The following CTNNA2 variants were observed in gnomAD, a reference collection of about 807,000 sequenced individuals.
The protein encoded by CTNNA2 is catenin alpha 2.
CTNNA2 carries 42 observed loss-of-function variants against 101.0 expected under a neutral mutation model. The observed-to-expected ratio is 0.42, with a 90% CI of 0.32 to 0.54. The LOEUF (loss-of-function observed/expected upper bound fraction) is 0.54, where lower values mean the gene tolerates loss of function less well. CTNNA2 is among the 20% of genes least tolerant of loss of function. The pLI is 0.14. For missense variants in CTNNA2, 871 were observed against 1,223.1 expected (o/e 0.71, Z 4.29); for synonymous variants, 450 against 456.4 (o/e 0.99, Z 0.18).
At chr2:79,508,823 T>A (rs1286275104), upstream of CTNNA2, among the ~76,000 whole-genome samples, 1 of 151,514 alleles carries the variant, frequency 6.6e-6, no homozygotes, top group Non-Finnish European at 1.5e-5. Context: ...CAAACTAGAA[T>A]ATGGTACATT....
intron 18 of CTNNA2, among the ~76,000 whole-genome samples, chr2:80,637,482 A>T (rs541886372): frequency 3.9e-5 from 6 of 152,054 alleles, no homozygotes; most frequent in African/African-American, 1.4e-4. Flanking sequence ...AGTGACAGAG[A>T]GTGCACAGGA....
intron 7 of CTNNA2, among the ~76,000 whole-genome samples, chr2:80,157,621 C>T (rs1209004249): frequency 6.6e-6 from 1 of 151,962 alleles, no homozygotes; most frequent in Non-Finnish European, 1.5e-5. Context: ...TGTTCTGGTG[C>T]TGTGTACACT....
rs116705615 is a variant in CTNNA2, at chr2:79,706,454, A to G, written c.103-37933A>G. On this transcript the variant is annotated intron_variant, in intron 2 of 18. Transcript: ENST00000402739. ...TTGAGGGTAAATGTGGGTTTGGGGGAAAAAACCTTTCACCAACAAAGATTC... is the reference window on the plus strand; with the variant it reads ...TTGAGGGTAAATGTGGGTTTGGGGGGAAAAACCTTTCACCAACAAAGATTC... Among the ~76,000 whole-genome samples, 1,102 of 151,862 alleles carry G rather than the reference A, an allele frequency of 7.3e-3. 9 individuals carry two copies. The highest frequency in any genetic ancestry group is 0.025 in the African/African-American group (1,050 of 41,384).
chr2:79,502,475 A>T (rs1671330876), intron 4 of CTNNA2, among the ~76,000 whole-genome samples: 2 of 152,010 alleles, frequency 1.3e-5, no homozygotes, highest in South Asian at 4.2e-4. Context: ...CACACATAAC[A>T]CTCCCTTCAT....
intron 4 of CTNNA2, among the ~76,000 whole-genome samples, chr2:79,479,158 T>C (rs759647787): frequency 1.3e-5 from 2 of 152,232 alleles, no homozygotes; most frequent in African/African-American, 2.4e-5. Context: ...GAAAACTCAA[T>C]GCATTTAAAA....
At chr2:80,192,943 G>A (rs1158006305) in intron 7 of CTNNA2, among the ~76,000 whole-genome samples, 1 of 140,932 alleles carries the variant, frequency 7.1e-6, no homozygotes, top group Non-Finnish European at 1.6e-5. Context: ...TTTTGGGAGT[G>A]TGTATAGTGG....
chr2:80,317,049 T>G (rs977356193), intron 7 of CTNNA2, among the ~76,000 whole-genome samples: 3 of 151,996 alleles, frequency 2.0e-5, no homozygotes, highest in Non-Finnish European at 4.4e-5. Context: ...CCATTTAAAG[T>G]GCCATGAGAT....
At chr2:80,379,581 A>T (rs1676308825) in intron 7 of CTNNA2, among the ~76,000 whole-genome samples, 2 of 152,212 alleles carry the variant, frequency 1.3e-5, no homozygotes, top group African/African-American at 4.8e-5. Context: ...TACTTCCAGT[A>T]AATGGTTACA....
chr2:80,636,588 C>G (rs555406142), intron 18 of CTNNA2, among the ~76,000 whole-genome samples: 1 of 151,938 alleles, frequency 6.6e-6, no homozygotes, highest in Non-Finnish European at 1.5e-5. Context: ...CCAGGTAACA[C>G]CATTTGGTTT....
rs377231458 is a variant in CTNNA2 at position 80,303,028 on chromosome 2, C to T, written c.1057-90183C>T. The T allele has an allele frequency of 6.2e-7, 1 of 1,613,714 alleles. No individual in the cohort carries two copies. The highest frequency in any genetic ancestry group is 8.5e-7 in the Non-Finnish European group (1 of 1,179,970). On this transcript the variant is annotated intron_variant, in intron 7 of 18. Coordinates refer to ENST00000402739, the MANE Select transcript of CTNNA2 (RefSeq NM_001282597.3). The surrounding 1 kb of genome is among the most constrained non-coding windows in gnomAD (Gnocchi z 7.7). Reference sequence around the variant, plus strand: ...GCTCCATGTACTCGATCTCGTTGCCCGACAAGTCCATTTTCTCCAGGTTCC... The same window carrying T: ...GCTCCATGTACTCGATCTCGTTGCCTGACAAGTCCATTTTCTCCAGGTTCC...
intron 7 of CTNNA2, among the ~76,000 whole-genome samples, chr2:79,955,176 G>A (rs766480121): frequency 2.0e-5 from 3 of 152,126 alleles, no homozygotes; most frequent in Non-Finnish European, 2.9e-5. Flanking sequence ...AATATCTGCA[G>A]CACCATATGT....
intron 1 of CTNNA2, among the ~76,000 whole-genome samples, chr2:79,610,284 A>G (rs571311831): frequency 7.2e-5 from 11 of 152,244 alleles, no homozygotes; most frequent in African/African-American, 2.6e-4. Context: ...AATGTGGAGA[A>G]TTGTTTCTCT....
intron 1 of CTNNA2, among the ~76,000 whole-genome samples, chr2:79,631,146 C>A (rs546155175): frequency 3.4e-4 from 52 of 152,046 alleles, no homozygotes; most frequent in Non-Finnish European, 5.7e-4. Flanking sequence ...TAAGCACAGT[C>A]ATTGTAGAGG....
intron 16 of CTNNA2, 23 bp downstream of exon 16, chr2:80,604,202 G>A (rs372316761): frequency 2.9e-4 from 463 of 1,589,238 alleles, no homozygotes; most frequent in Admixed American, 5.4e-4. Flanking sequence ...GGAAGGGTGG[G>A]CACATGCTGA....
At chr2:79,727,188 C>T (rs1182909391) in intron 2 of CTNNA2, among the ~76,000 whole-genome samples, 1 of 152,124 alleles carries the variant, frequency 6.6e-6, no homozygotes, top group African/African-American at 2.4e-5. Context: ...TTGCTTAAAA[C>T]AAAAGATTAG....
At chr2:80,080,374 A>G (rs577653913) in intron 7 of CTNNA2, among the ~76,000 whole-genome samples, 3 of 152,352 alleles carry the variant, frequency 2.0e-5, no homozygotes, top group African/African-American at 7.2e-5. Flanking sequence ...AGACCCACAC[A>G]TACATGGTCA....
At chr2:79,594,916 T>A (rs771745613) in intron 1 of CTNNA2, among the ~76,000 whole-genome samples, 27 of 152,140 alleles carry the variant, frequency 1.8e-4, no homozygotes, top group Non-Finnish European at 3.5e-4. Context: ...TATTTCCTCA[T>A]ATGCTTTCTC....
At chr2:80,435,728 C>T (rs189910654) in intron 9 of CTNNA2, among the ~76,000 whole-genome samples, 1 of 152,234 alleles carries the variant, frequency 6.6e-6, no homozygotes, top group South Asian at 2.1e-4. Context: ...AACCACAGAG[C>T]GGACATAGTT....
intron 3 of CTNNA2, among the ~76,000 whole-genome samples, chr2:79,315,333 A>G (rs1433265508): frequency 2.0e-5 from 3 of 152,200 alleles, no homozygotes; most frequent in Non-Finnish European, 4.4e-5. Flanking sequence ...TACAACCATT[A>G]CCACTATCAA....
Sources: gnomAD v4.1 joint callset for allele counts (sites outside exome capture counted in the v4.1 genomes callset) on GRCh38, gnomAD v4.1.1 for gene constraint, Gnocchi (gnomAD v3.1) non-coding constraint, MANE v1.5 for transcripts, NCBI Gene and HGNC (gene_info 2026-07-23, HGNC 2026-07-21) for gene names.